The following L3MBTL3 variants were observed in gnomAD, a reference collection of about 807,000 sequenced individuals.
L3MBTL3 encodes lethal(3)malignant brain tumor-like protein 3.
L3MBTL3 carries 27 observed loss-of-function variants against 102.3 expected under a neutral mutation model. The observed-to-expected ratio is 0.26, with a 90% confidence interval of 0.19 to 0.36. The LOEUF (loss-of-function observed/expected upper bound fraction) is 0.36. L3MBTL3 is among the 10% of genes least tolerant of loss of function. L3MBTL3 has a pLI of 1.00. For synonymous variants in L3MBTL3, 340 were observed against 320.9 expected (o/e 1.06, Z -0.64); for missense variants, 798 against 955.3 (o/e 0.84, Z 2.17).
intron 19 of L3MBTL3, among the ~76,000 whole-genome samples, chr6:130,111,608 T>G (rs1356058587): frequency 6.6e-6 from 1 of 152,228 alleles, no homozygotes; most frequent in African/African-American, 2.4e-5. Context: ...CTAGCATAAG[T>G]TAACAGTGTG....
At chr6:130,065,820 T>C (rs1782209213) in intron 10 of L3MBTL3, among the ~76,000 whole-genome samples, 1 of 152,220 alleles carries the variant, frequency 6.6e-6, no homozygotes, top group Non-Finnish European at 1.5e-5. Context: ...ACATTCTTAC[T>C]AGCATTCTTA....
intron 19 of L3MBTL3, among the ~76,000 whole-genome samples, chr6:130,115,206 A>G (rs1785587000): frequency 6.6e-6 from 1 of 151,798 alleles, no homozygotes; most frequent in South Asian, 2.1e-4. Context: ...AGAATAAGCT[A>G]TTTTGAAAAG....
rs766702463 is a variant in L3MBTL3 at position 130,052,965 on chromosome 6, G to T, written c.556G>T (p.Asp186Tyr). The change falls in exon 7 of 23, where the codon GAT (aspartate) becomes TAT (tyrosine). Residue 186 changes from aspartate to tyrosine, a missense_variant. By Grantham distance (160) the Asp-to-Tyr change is radical (BLOSUM62 -3). Coordinates refer to ENST00000361794, the MANE Select transcript of L3MBTL3 (RefSeq NM_032438.4). ...ATCTCTGAAAGCTGACACCAAGGAG[G>T]ATGGAGAAGAGAGAGATGATGAAAT... ...KLSLKADTKE[D>Y]GEERDDEMEN... The T allele has an allele frequency of 3.1e-6, 5 of 1,613,476 alleles. No individual in the cohort carries two copies. The East Asian group carries it at 8.9e-5, about 29-fold the overall frequency.
chr6:130,133,329 T>C lies in L3MBTL3; in HGVS notation c.1967-123T>C. On this transcript the variant is annotated intron_variant, in intron 20 of 22. Transcript: ENST00000361794. This position sits in a 1 kb window ranked among gnomAD's most constrained non-coding sequence, Gnocchi z 4.9. ...AAGAAGAGCCTATTCAATAGTATAATGCTGAAAGGAACCAATGCTTTAACC... is the reference window on the plus strand; with the variant it reads ...AAGAAGAGCCTATTCAATAGTATAACGCTGAAAGGAACCAATGCTTTAACC... The C allele has an allele frequency of 3.5e-6, 3 of 845,860 alleles. No homozygotes were observed. The highest frequency in any genetic ancestry group is 5.0e-5 in the East Asian group (2 of 39,638). 52.4% of individuals were successfully genotyped at this position (845,860 alleles called of 1,614,324 possible). A position where few individuals can be genotyped will look rare whatever the true frequency, so the allele number is the denominator to read the frequency against.
chr6:130,096,352 T>C (rs1275735795), intron 18 of L3MBTL3, among the ~76,000 whole-genome samples: 2 of 152,236 alleles, frequency 1.3e-5, no homozygotes. Flanking sequence ...ATCAGAACTT[T>C]GGCACACATC....
intron 2 of L3MBTL3, among the ~76,000 whole-genome samples, chr6:130,037,755 A>G (rs868501566): frequency 6.6e-6 from 1 of 152,228 alleles, no homozygotes; most frequent in Middle Eastern, 3.4e-3. Context: ...CTTCACTTCA[A>G]ATACTTATCA....
At chr6:130,049,728 C>T in intron 4 of L3MBTL3, 28 bp from the exon 5 acceptor site, 1 of 1,613,690 alleles carries the variant, frequency 6.2e-7, no homozygotes, top group South Asian at 1.1e-5. Flanking sequence ...CACCTATATG[C>T]TGATGACTCC....
chr6:130,127,832 AAT>A (rs1786718130), intron 20 of L3MBTL3, among the ~76,000 whole-genome samples: 2 of 152,186 alleles, frequency 1.3e-5, no homozygotes, highest in Non-Finnish European at 2.9e-5. Context: ...TAGTTTATTT[AAT>A]ACCTGCTGCT....
chr6:130,100,847 A>G (rs1784642093), intron 18 of L3MBTL3, among the ~76,000 whole-genome samples: 2 of 152,126 alleles, frequency 1.3e-5, no homozygotes, highest in African/African-American at 4.8e-5. Flanking sequence ...TAAATTGGGG[A>G]CCCAGCCCAT....
intron 8 of L3MBTL3, among the ~76,000 whole-genome samples, chr6:130,055,997 G>A (rs1187153844): frequency 2.1e-5 from 3 of 144,786 alleles, no homozygotes; most frequent in Admixed American, 7.0e-5. Context: ...GCGCAATCTC[G>A]GCTCACAGCA....
intron 14 of L3MBTL3, 88 bp downstream of exon 14, chr6:130,078,722 T>C (rs1488098793): frequency 2.2e-6 from 2 of 910,568 alleles, no homozygotes; most frequent in African/African-American, 3.4e-5. Context: ...AGTAAATATT[T>C]TGGCTTTGCA....
intron 3 of L3MBTL3, 89 bp from the exon 4 acceptor site, chr6:130,049,193 G>C (rs955119851): frequency 1.2e-5 from 9 of 721,956 alleles, no homozygotes; most frequent in Non-Finnish European, 1.9e-5. Flanking sequence ...TAATTAATTT[G>C]CTTGAAGACT....
chr6:130,071,209 T>G, intron 13 of L3MBTL3, 82 bp downstream of exon 13: 1 of 1,239,272 alleles, frequency 8.1e-7, no homozygotes, highest in African/African-American at 1.5e-5. Flanking sequence ...AGTGCAACGC[T>G]TATAACAAAA....
intron 18 of L3MBTL3, among the ~76,000 whole-genome samples, chr6:130,095,371 G>A (rs939164397): frequency 7.3e-5 from 11 of 151,614 alleles, no homozygotes; most frequent in African/African-American, 2.7e-4. Flanking sequence ...TTCCTTTTTC[G>A]AACAACTCTC....
chr6:130,116,806 C>T (rs916557019), intron 19 of L3MBTL3, among the ~76,000 whole-genome samples: 8 of 151,206 alleles, frequency 5.3e-5, no homozygotes, highest in Non-Finnish European at 7.4e-5. Flanking sequence ...TCTTTTGAAA[C>T]GAAATTGTTG....
chr6:130,040,579 C>T (rs909253186), intron 2 of L3MBTL3, among the ~76,000 whole-genome samples: 1 of 152,162 alleles, frequency 6.6e-6, no homozygotes, highest in Non-Finnish European at 1.5e-5. Context: ...CATGGTGATG[C>T]TTGTAAGTGT....
At chr6:130,054,240 G>C (rs901132168) in intron 7 of L3MBTL3, among the ~76,000 whole-genome samples, 1 of 152,236 alleles carries the variant, frequency 6.6e-6, no homozygotes, top group African/African-American at 2.4e-5. Flanking sequence ...TGGTTTAGGA[G>C]AGGGTGGAGT....
chr6:130,052,843 T>C lies in L3MBTL3; in HGVS notation c.450-16T>C. 1 of 1,609,608 alleles carries C rather than the reference T, an allele frequency of 6.2e-7. No homozygotes were observed. Among genetic ancestry groups the C allele is most frequent in the Admixed American group, 1.7e-5 (1 of 59,538 alleles). On this transcript the variant is annotated splice_polypyrimidine_tract_variant and intron_variant, in intron 6 of 22. Coordinates refer to ENST00000361794, the MANE Select transcript of L3MBTL3 (RefSeq NM_032438.4). ...TATTGTCTCTTGTCACTATTTTGGGTTTATAAACACAACAGAGATCAGAAG... is the reference window on the plus strand; with the variant it reads ...TATTGTCTCTTGTCACTATTTTGGGCTTATAAACACAACAGAGATCAGAAG...
chr6:130,049,910 C>T (rs3890746), intron 5 of L3MBTL3, 80 bp downstream of exon 5: 845,827 of 1,508,356 alleles, frequency 0.56, 244,163 homozygotes, highest in East Asian at 0.73. Flanking sequence ...CTCTTTCTTC[C>T]CTAACCCATA....
Sources: gnomAD v4.1 joint callset for allele counts (sites outside exome capture counted in the v4.1 genomes callset) on GRCh38, gnomAD v4.1.1 for gene constraint, Gnocchi (gnomAD v3.1) non-coding constraint, MANE v1.5 for transcripts, NCBI Gene and HGNC (gene_info 2026-07-23, HGNC 2026-07-21) for gene names.